Variants in SMIM8 observed in about 807,000 individuals in gnomAD.
The protein encoded by SMIM8 is UPF0708 protein C6orf162.
A neutral mutation model predicts 8.1 loss-of-function variants in SMIM8; 8 were observed. The observed-to-expected ratio is 0.99, with a 90% CI of 0.58 to 1.78. The LOEUF is 1.78. SMIM8 is among the 40% of genes most tolerant of loss of function. The pLI, the probability that SMIM8 is intolerant of heterozygous loss-of-function variation, is 0.00. For synonymous variants in SMIM8, 45 were observed against 39.7 expected (o/e 1.13, Z -0.50); for missense variants, 126 against 119.8 (o/e 1.05, Z -0.24).
intron 1 of SMIM8, among the ~76,000 whole-genome samples, chr6:87,326,009 C>T (rs191152829): frequency 2.6e-5 from 4 of 152,298 alleles, no homozygotes; most frequent in Admixed American, 6.5e-5. Flanking sequence ...GTGTATGTGT[C>T]GAGGAACTTA....
chr6:87,322,614 G>A lies in SMIM8; in HGVS notation c.-63G>A, dbSNP rs2296133. ...GGGCGGGGCGTCTCGGGCGAGGAGA[G>A]GAGGTGACCCCGCGAAAGGTAAGCG... On this transcript the variant is annotated 5_prime_UTR_variant, in exon 1 of 4. Transcript: ENST00000392863. 17,506 of 152,332 alleles carry A rather than the reference G, an allele frequency of 0.11. 1,050 individuals are homozygous for A. Among genetic ancestry groups the A allele is most frequent in the East Asian group, 0.13 (667 of 5,150 alleles). The allele number at this position is 152,332 out of a possible 1,614,324, so 9.4% of individuals were successfully genotyped here.
At chr6:87,329,379 A>G (rs1337776116) in intron 1 of SMIM8, 1 of 152,422 alleles carries the variant, frequency 6.6e-6, no homozygotes, top group African/African-American at 2.4e-5. Context: ...GGTTCAGGCG[A>G]TTATTCTGCC....
intron 2 of SMIM8, among the ~76,000 whole-genome samples, chr6:87,334,874 A>G (rs1318691520): frequency 6.6e-6 from 1 of 152,216 alleles, no homozygotes; most frequent in African/African-American, 2.4e-5. Flanking sequence ...TGCAAGGAGC[A>G]ATACACAGTA....
chr6:87,339,164 G>A (rs1430452854), intron 3 of SMIM8, among the ~76,000 whole-genome samples: 2 of 152,122 alleles, frequency 1.3e-5, no homozygotes, highest in Non-Finnish European at 2.9e-5. Flanking sequence ...AAATTAGCCA[G>A]GCATGGTGTG....
chr6:87,337,063 A>C lies in SMIM8; in HGVS notation c.32A>C (p.Lys11Thr), dbSNP rs761931931. ...TCAGCACCTGAGCCTCCAACATTCA[A>C]AAAGGAACCACCCAAAGAGAAAGAG... The part of the protein sequence containing the change: MSSAPEPPTF[K>T]KEPPKEKEFQ... The change falls in exon 3 of 4, where the codon AAA becomes ACA. Residue 11 changes from lysine (K) to threonine (T), a missense_variant. Transcript: ENST00000392863. 2 of 1,612,388 alleles carry C rather than the reference A, an allele frequency of 1.2e-6. No homozygotes were observed. The highest frequency in any genetic ancestry group is 2.2e-5 in the South Asian group (2 of 90,710).
chr6:87,324,427 A>T (rs1776764605), intron 1 of SMIM8, among the ~76,000 whole-genome samples: 1 of 151,270 alleles, frequency 6.6e-6, no homozygotes, highest in African/African-American at 2.4e-5. Flanking sequence ...TCTTTAATCC[A>T]TCTTGAATTG....
At chr6:87,334,594 CCG>C (rs1202542841) in intron 2 of SMIM8, among the ~76,000 whole-genome samples, 1 of 152,122 alleles carries the variant, frequency 6.6e-6, no homozygotes, top group African/African-American at 2.4e-5. Context: ...GTGAGCCACC[CCG>C]CCCAGCCTGA....
At chr6:87,323,282 A>C (rs76201598) in intron 1 of SMIM8, among the ~76,000 whole-genome samples, 5,718 of 151,766 alleles carry the variant, frequency 0.038, 374 homozygotes, top group African/African-American at 0.13. Flanking sequence ...TTATTTATTT[A>C]TTTGTTATTA....
intron 1 of SMIM8, among the ~76,000 whole-genome samples, chr6:87,327,309 T>A (rs28824331): frequency 6.6e-6 from 1 of 150,398 alleles, no homozygotes; most frequent in Non-Finnish European, 1.5e-5. Context: ...ATCCTGTCAT[T>A]ATGTTAGCTC....
At chr6:87,338,915 T>A (rs1049456807) in intron 3 of SMIM8, among the ~76,000 whole-genome samples, 6 of 149,530 alleles carry the variant, frequency 4.0e-5, no homozygotes, top group African/African-American at 1.5e-4. Flanking sequence ...GCTTTTTTTT[T>A]TTTTTTTTTT....
chr6:87,332,181 GT>G (rs1313182201), intron 2 of SMIM8, among the ~76,000 whole-genome samples: 2 of 151,886 alleles, frequency 1.3e-5, no homozygotes, highest in Non-Finnish European at 2.9e-5. Context: ...TAACTATATA[GT>G]TTTTTACAGA....
At chr6:87,325,325 G>C (rs1286201811) in intron 1 of SMIM8, among the ~76,000 whole-genome samples, 3 of 143,454 alleles carry the variant, frequency 2.1e-5, no homozygotes, top group African/African-American at 8.1e-5. Flanking sequence ...TGGTGAGAGA[G>C]GGCATCCCTG....
intron 2 of SMIM8, among the ~76,000 whole-genome samples, chr6:87,336,014 A>G (rs1777107985): frequency 6.6e-6 from 1 of 152,116 alleles, no homozygotes; most frequent in African/African-American, 2.4e-5. Flanking sequence ...GCAATCGAGT[A>G]AGAAGACTGT....
At chr6:87,329,745 G>T (rs1776948491) in intron 1 of SMIM8, among the ~76,000 whole-genome samples, 1 of 152,144 alleles carries the variant, frequency 6.6e-6, no homozygotes. Context: ...GGGTGAGGTG[G>T]TGAAATATTG....
intron 3 of SMIM8, 77 bp from the exon 4 acceptor site, chr6:87,340,039 G>A: frequency 1.6e-6 from 2 of 1,220,252 alleles, no homozygotes; most frequent in East Asian, 5.2e-5. Flanking sequence ...CATGTCAGGA[G>A]GAAAGTGCAA....
intron 1 of SMIM8, among the ~76,000 whole-genome samples, chr6:87,326,951 C>G (rs960780427): frequency 9.2e-6 from 1 of 108,658 alleles, no homozygotes; most frequent in Non-Finnish European, 1.9e-5. Flanking sequence ...CTGGGTGCTC[C>G]TGTATTGGGT....
intron 1 of SMIM8, among the ~76,000 whole-genome samples, chr6:87,325,187 A>G (rs765852677): frequency 5.9e-5 from 9 of 152,120 alleles, no homozygotes; most frequent in Non-Finnish European, 1.2e-4. Flanking sequence ...GGGGTTTTCT[A>G]GGTATACAGT....
In SMIM8 at chr6:87,326,970, A is replaced by G. The variant is rs1292485783; in HGVS notation, c.-44-3722A>G. Among the ~76,000 whole-genome samples, 2 of 115,726 alleles carry G rather than the reference A, an allele frequency of 1.7e-5. 1 individual carries two copies. Among genetic ancestry groups the G allele is most frequent in the Non-Finnish European group, 3.6e-5 (2 of 55,600 alleles). 75.9% of individuals were successfully genotyped at this position (115,726 alleles called of 152,430 possible). A position where few individuals can be genotyped will look rare whatever the true frequency, so the allele number is the denominator to read the frequency against. ...GTGCTCCTGTATTGGGTGCATATAT[A>G]TTTAGGATAGTTAGCTCTTCTTGTT... On this transcript the variant is annotated intron_variant, in intron 1 of 3. Transcript: ENST00000392863.
intron 2 of SMIM8, among the ~76,000 whole-genome samples, chr6:87,333,519 A>G (rs1777037813): frequency 6.6e-6 from 1 of 152,228 alleles, no homozygotes; most frequent in Non-Finnish European, 1.5e-5. Flanking sequence ...CTTTATAAAC[A>G]CCATCGTGGC....
Sources: allele counts gnomAD v4.1 joint callset (sites outside exome capture counted in the v4.1 genomes callset), GRCh38; gene constraint gnomAD v4.1.1; transcripts MANE v1.5; gene names NCBI Gene and HGNC (gene_info 2026-07-23, HGNC 2026-07-21).